Variants in BET1 observed in about 807,000 individuals in gnomAD.
The protein encoded by BET1 is Bet1 golgi vesicular membrane trafficking protein, also known as BET1 homolog.
Under a neutral mutation model 13.9 loss-of-function variants are expected in BET1, and 9 were observed. The observed-to-expected ratio is 0.65, with a 90% CI of 0.39 to 1.13. The LOEUF (loss-of-function observed/expected upper bound fraction) is 1.13, where lower values mean the gene tolerates loss of function less well. Ranked by LOEUF, BET1 falls within the 50% of genes most tolerant of loss-of-function variation. BET1 has a pLI of 0.01. For missense variants in BET1, 127 were observed against 133.6 expected, an observed-to-expected ratio of 0.95 and a Z score of 0.24; for synonymous variants, 39 against 47.3, an observed-to-expected ratio of 0.82 and a Z score of 0.72.
At chr7:93,970,601 G>A (rs1795245782) in intron 6 of BET1, among the ~76,000 whole-genome samples, 1 of 151,714 alleles carries the variant, frequency 6.6e-6, no homozygotes, top group Non-Finnish European at 1.5e-5. Context: ...AACTCTTTGA[G>A]ACAAGGCCCA....
chr7:93,999,946 G>A (rs563004826), intron 1 of BET1, among the ~76,000 whole-genome samples: 2 of 152,178 alleles, frequency 1.3e-5, no homozygotes, highest in East Asian at 1.9e-4. Context: ...CTACTTTTAT[G>A]GAACTCTAAG....
At chr7:93,969,137 A>G (rs780466561) in intron 6 of BET1, among the ~76,000 whole-genome samples, 1 of 151,856 alleles carries the variant, frequency 6.6e-6, no homozygotes, top group African/African-American at 2.4e-5. Flanking sequence ...TGGTTGCCCA[A>G]TGACTTTGCC....
intron 4 of BET1, among the ~76,000 whole-genome samples, chr7:93,987,834 T>G (rs2116089462): frequency 6.6e-6 from 1 of 152,348 alleles, no homozygotes; most frequent in Admixed American, 6.5e-5. Context: ...CACTTGTGCC[T>G]AAGTGGCATC....
intron 4 of BET1, among the ~76,000 whole-genome samples, chr7:93,984,792 T>C (rs975743012): frequency 2.0e-5 from 3 of 152,152 alleles, no homozygotes; most frequent in African/African-American, 7.2e-5. Flanking sequence ...TAAATATGGC[T>C]AAATGAATAA....
intron 4 of BET1, among the ~76,000 whole-genome samples, chr7:93,978,834 A>T (rs553724794): frequency 9.2e-5 from 14 of 152,282 alleles, no homozygotes; most frequent in African/African-American, 3.4e-4. Flanking sequence ...AAGCTTGGAG[A>T]TCAAGAATAA....
At chr7:93,998,468 G>A (rs1795819812) in intron 2 of BET1, among the ~76,000 whole-genome samples, 2 of 152,022 alleles carry the variant, frequency 1.3e-5, no homozygotes, top group Non-Finnish European at 1.5e-5. Context: ...GGAGGCCAAG[G>A]CGGGCGGATC....
chr7:94,000,135 C>T (rs1253601966), intron 1 of BET1, among the ~76,000 whole-genome samples: 25 of 148,052 alleles, frequency 1.7e-4, no homozygotes, highest in Admixed American at 2.7e-4. Context: ...GGTGGAGTCT[C>T]GCTCTGTCGC....
downstream of BET1, among the ~76,000 whole-genome samples, chr7:93,988,262 G>T (rs1285021099): frequency 1.3e-5 from 2 of 152,118 alleles, no homozygotes; most frequent in African/African-American, 4.8e-5. Context: ...TTTCCTAAAT[G>T]AATTTTATGT....
At chr7:93,966,031 A>G (rs1321729552) in intron 6 of BET1, among the ~76,000 whole-genome samples, 1 of 152,012 alleles carries the variant, frequency 6.6e-6, no homozygotes, top group African/African-American at 2.4e-5. Flanking sequence ...AAATGAAGGC[A>G]TTTTTTAAAA....
At chr7:94,004,128 C>T in intron 1 of BET1, 70 bp downstream of exon 1, 2 of 1,608,416 alleles carry the variant, frequency 1.2e-6, no homozygotes, top group Admixed American at 1.7e-5. Context: ...AAGACAGGTT[C>T]GATTTCCTCC....
At chr7:93,965,291 C>T (rs1413481772) in exon 7 of BET1, 1 of 151,788 alleles carries the variant, frequency 6.6e-6, no homozygotes, top group Non-Finnish European at 1.5e-5. Context: ...AGACTAGTTT[C>T]TTGTAGCAAA....
chr7:93,977,170 T>C (rs1795352217), intron 4 of BET1, among the ~76,000 whole-genome samples: 2 of 152,108 alleles, frequency 1.3e-5, no homozygotes, highest in Admixed American at 6.6e-5. Flanking sequence ...GCATCAAAGA[T>C]GTTGGAGGGG....
chr7:94,002,608 C>T (rs190109477), intron 1 of BET1, among the ~76,000 whole-genome samples: 41 of 152,194 alleles, frequency 2.7e-4, no homozygotes, highest in Admixed American at 4.6e-4. Flanking sequence ...ACAGTCAGGG[C>T]TGAGAACCAT....
rs1237817896 is a variant in BET1, at chr7:93,968,997, T to G, written c.*138-3310A>C. ...CATCCGTTCACCAGTGACTTCACTCTTCTGTGAAAGATGAGATAGAAACAG... is the reference window on the plus strand; with the variant it reads ...CATCCGTTCACCAGTGACTTCACTCGTCTGTGAAAGATGAGATAGAAACAG... On this transcript the variant is annotated intron_variant and NMD_transcript_variant, in intron 6 of 6. Transcript: ENST00000357520. Among the ~76,000 whole-genome samples the G allele has an allele frequency of 5.3e-5, 8 of 151,846 alleles. No homozygotes were observed. In the Admixed American group the frequency reaches 5.3e-4, roughly 10 times the overall value.
intron 1 of BET1, among the ~76,000 whole-genome samples, 186 bp from the exon 2 acceptor site, chr7:93,999,480 C>T (rs987255873): frequency 1.3e-5 from 2 of 152,220 alleles, no homozygotes; most frequent in Non-Finnish European, 1.5e-5. Flanking sequence ...TTCCATTACT[C>T]TCTGTTAACC....
downstream of BET1, chr7:93,992,487 T>C (rs1795656367): frequency 1.0e-6 from 1 of 985,210 alleles, no homozygotes; most frequent in Non-Finnish European, 1.2e-6. Flanking sequence ...TTTTCACAAC[T>C]TTAATTATTG....
chr7:93,994,878 T>TC (rs995247108), intron 3 of BET1, among the ~76,000 whole-genome samples: 5 of 117,430 alleles, frequency 4.3e-5, no homozygotes. Flanking sequence ...GGAGTCTCGC[T>TC]CGTTGCCCAG....
intron 4 of BET1, among the ~76,000 whole-genome samples, chr7:93,980,121 A>G (rs933273843): frequency 2.6e-5 from 4 of 152,214 alleles, no homozygotes; most frequent in African/African-American, 9.7e-5. Context: ...ACTTGTAAAG[A>G]GATTGAATCA....
chr7:93,986,713 G>C (rs1169986108), intron 4 of BET1, among the ~76,000 whole-genome samples: 1 of 152,140 alleles, frequency 6.6e-6, no homozygotes, highest in Non-Finnish European at 1.5e-5. Flanking sequence ...ATATATAATG[G>C]TGGTCCCATC....
Sources: gnomAD v4.1 joint callset for allele counts (sites outside exome capture counted in the v4.1 genomes callset) on GRCh38, gnomAD v4.1.1 for gene constraint, MANE v1.5 for transcripts, NCBI Gene and HGNC (gene_info 2026-07-23, HGNC 2026-07-21) for gene names.